GSE1: variants seen among roughly 807,000 people sequenced by gnomAD.
GSE1 encodes the protein genetic suppressor element 1.
A neutral mutation model predicts 112.6 loss-of-function variants in GSE1; 32 were observed. That is an observed-to-expected ratio of 0.28 (90% CI 0.21 to 0.38). The LOEUF is 0.38. Ranked by LOEUF, GSE1 falls within the 10% of genes least tolerant of loss-of-function variation. The pLI is 1.00. For synonymous variants in GSE1, 1,115 were observed against 735.6 expected (o/e 1.52, Z -8.35); for missense variants, 2,348 against 1,699.2 (o/e 1.38, Z -6.71).
chr16:85,183,685 T>C (rs371543536), intron 1 of GSE1, among the ~76,000 whole-genome samples: 2 of 152,228 alleles, frequency 1.3e-5, no homozygotes, highest in South Asian at 4.1e-4. Context: ...GCTGTAAAGC[T>C]GGGACAGGAA....
rs2048791530 is a variant in GSE1, at chr16:85,419,868, A to G, written c.2464+62225A>G. ...GTGGAGTGGGCAGCCAGGGCTGACCACCACTGCTCTGGGAGGGTCAGAGTC... is the reference window on the plus strand; with the variant it reads ...GTGGAGTGGGCAGCCAGGGCTGACCGCCACTGCTCTGGGAGGGTCAGAGTC... On this transcript the variant is annotated intron_variant, in intron 2 of 2. Transcript: ENST00000637419. The surrounding 1 kb of genome is among the most constrained non-coding windows in gnomAD (Gnocchi z 6.5). Among the ~76,000 whole-genome samples the G allele has an allele frequency of 6.6e-6, 1 of 151,258 alleles. No individual in the cohort carries two copies. Among genetic ancestry groups the G allele is most frequent in the Non-Finnish European group, 1.5e-5 (1 of 67,766 alleles).
intron 1 of GSE1, among the ~76,000 whole-genome samples, chr16:85,177,409 A>G (rs1345578085): frequency 1.3e-5 from 2 of 152,184 alleles, no homozygotes; most frequent in South Asian, 2.1e-4. Flanking sequence ...GAGAGATGCC[A>G]TGTCTGTCCT....
At chr16:85,643,067 G>A (rs531878239) in intron 2 of GSE1, among the ~76,000 whole-genome samples, 3 of 152,196 alleles carry the variant, frequency 2.0e-5, no homozygotes, top group African/African-American at 4.8e-5. Flanking sequence ...CTGCTGTGGC[G>A]CTGCGGTCCT....
chr16:85,350,823 C>A (rs999404210), intron 1 of GSE1, among the ~76,000 whole-genome samples: 3 of 152,200 alleles, frequency 2.0e-5, no homozygotes, highest in African/African-American at 7.2e-5. Flanking sequence ...GTCACCCAGG[C>A]TGCAGTGCAG....
intron 1 of GSE1, among the ~76,000 whole-genome samples, chr16:85,245,726 C>G (rs1269652714): frequency 6.6e-6 from 1 of 152,126 alleles, no homozygotes; most frequent in Non-Finnish European, 1.5e-5. Context: ...AAAAAAGTGT[C>G]CTCTGATTAG....
intron 1 of GSE1, among the ~76,000 whole-genome samples, chr16:85,588,153 A>C (rs1329911394): frequency 6.6e-6 from 1 of 152,198 alleles, no homozygotes; most frequent in African/African-American, 2.4e-5. Flanking sequence ...CCCTCTCCCC[A>C]GCTGGCCTCT....
At chr16:85,511,240 C>T (rs764072392) in intron 2 of GSE1, among the ~76,000 whole-genome samples, 2 of 152,182 alleles carry the variant, frequency 1.3e-5, no homozygotes, top group Non-Finnish European at 1.5e-5. Flanking sequence ...TGCCTCCCCC[C>T]TCCAGGCTGG....
chr16:85,559,227 C>A (rs1379294284), intron 1 of GSE1, among the ~76,000 whole-genome samples: 1 of 152,162 alleles, frequency 6.6e-6, no homozygotes, highest in South Asian at 2.1e-4. Flanking sequence ...ATCTCACTTC[C>A]TCTCTCTGAG....
intron 11 of GSE1, 49 bp downstream of exon 11, chr16:85,663,663 G>C (rs2052612807): frequency 1.3e-6 from 2 of 1,567,758 alleles, no homozygotes; most frequent in Non-Finnish European, 1.7e-6. Flanking sequence ...GGGTGGAAGT[G>C]GGTTTCTGAA....
At chr16:85,489,048 G>A (rs1446951543) in intron 2 of GSE1, among the ~76,000 whole-genome samples, 2 of 152,174 alleles carry the variant, frequency 1.3e-5, no homozygotes, top group African/African-American at 2.4e-5. Context: ...GCTGCCGTCC[G>A]CAGACCTTTC....
chr16:85,496,968 G>A (rs1484197245), intron 2 of GSE1, among the ~76,000 whole-genome samples: 5 of 151,196 alleles, frequency 3.3e-5, no homozygotes, highest in Admixed American at 2.0e-4. Context: ...GCTCTATCTC[G>A]GCTCATTGCA....
At chr16:85,201,506 G>A (rs1240618022) in intron 1 of GSE1, among the ~76,000 whole-genome samples, 2 of 152,026 alleles carry the variant, frequency 1.3e-5, no homozygotes, top group Non-Finnish European at 2.9e-5. Flanking sequence ...ACAAAAATTA[G>A]TTGGGCATGG....
chr16:85,252,982 C>A (rs1303797642), intron 1 of GSE1, among the ~76,000 whole-genome samples: 4 of 151,332 alleles, frequency 2.6e-5, no homozygotes, highest in Non-Finnish European at 5.9e-5. Context: ...GGGCTCCCTG[C>A]CCTCGGCAGC....
intron 1 of GSE1, among the ~76,000 whole-genome samples, chr16:85,177,973 A>G (rs2074502107): frequency 6.6e-6 from 1 of 152,132 alleles, no homozygotes; most frequent in Admixed American, 6.5e-5. Context: ...CACTAACTGA[A>G]CAACGTGTGT....
chr16:85,576,359 A>C (rs532076549), intron 1 of GSE1, among the ~76,000 whole-genome samples: 36 of 152,336 alleles, frequency 2.4e-4, no homozygotes, highest in African/African-American at 7.0e-4. Flanking sequence ...GAAATAGTTT[A>C]TCTCTTAACG....
rs1389111237 is a variant in GSE1, at chr16:85,645,927, G to GCCTGCTTCTACCACGCATTCTA, written c.227-2586_227-2565dup. 3.4e-3 allele frequency among the ~76,000 whole-genome samples: 460 copies of GCCTGCTTCTACCACGCATTCTA among 136,492 alleles called. 4 individuals are homozygous for GCCTGCTTCTACCACGCATTCTA. The highest frequency in any genetic ancestry group is 4.7e-3 in the Non-Finnish European group (304 of 64,442). The allele number at this position is 136,492 out of a possible 152,430, so 89.5% of individuals were successfully genotyped here. A position where few individuals can be genotyped will look rare whatever the true frequency, so the allele number is the denominator to read the frequency against. ...ACCATGCTTTCTATGCATGCATTCT[G>GCCTGCTTCTACCACGCATTCTA]CCTGCTTCTACCACGCATTCTACCT... On this transcript the variant is annotated intron_variant, in intron 2 of 15. Coordinates refer to ENST00000253458, the MANE Select transcript of GSE1 (RefSeq NM_014615.5).
At chr16:85,237,897 C>T (rs1043711820) in intron 1 of GSE1, among the ~76,000 whole-genome samples, 6 of 151,824 alleles carry the variant, frequency 4.0e-5, no homozygotes, top group South Asian at 2.1e-4. Flanking sequence ...TGTGGCAAGA[C>T]GGGCCTATCT....
At chr16:85,669,095 G>A (rs547359524) in intron 14 of GSE1, among the ~76,000 whole-genome samples, 1 of 152,388 alleles carries the variant, frequency 6.6e-6, no homozygotes, top group African/African-American at 2.4e-5. Flanking sequence ...TGCAGCATTT[G>A]ATGCTCCTGT....
intron 2 of GSE1, among the ~76,000 whole-genome samples, chr16:85,646,696 C>T (rs13333163): frequency 0.022 from 3,412 of 152,256 alleles, 66 homozygotes; most frequent in South Asian, 0.068. Flanking sequence ...GAGGTCTCCC[C>T]GCTGCAGGCT....
Sources: gnomAD v4.1 joint callset for allele counts (sites outside exome capture counted in the v4.1 genomes callset) on GRCh38, gnomAD v4.1.1 for gene constraint, Gnocchi (gnomAD v3.1) non-coding constraint, MANE v1.5 for transcripts, NCBI Gene and HGNC (gene_info 2026-07-23, HGNC 2026-07-21) for gene names.